Variants in CXCR6 observed in about 807,000 individuals in gnomAD.
The protein encoded by CXCR6 is C-X-C chemokine receptor type 6.
A neutral mutation model predicts 1.6 loss-of-function variants in CXCR6; 3 were observed. The observed-to-expected ratio is 1.83, with a 90% CI of 0.83 to 4.72. The LOEUF (loss-of-function observed/expected upper bound fraction) is 4.72, where lower values mean the gene tolerates loss of function less well. CXCR6 is among the 30% of genes most tolerant of loss of function. The pLI is 0.02. For synonymous variants in CXCR6, 171 were observed against 159.2 expected, an observed-to-expected ratio of 1.07 and a Z score of -0.56; for missense variants, 326 against 414.8, an observed-to-expected ratio of 0.79 and a Z score of 1.86.
chr3:45,946,261 TG>T (rs1173895762), intron 1 of CXCR6, 199 bp from the exon 2 acceptor site: 1 of 520,282 alleles, frequency 1.9e-6, no homozygotes, highest in Non-Finnish European at 3.4e-6. Flanking sequence ...TTCAGGCTAA[TG>T]GAGAGTCCTC....
At position 45,946,679 on chromosome 3, in the gene CXCR6, G is replaced by T; in HGVS notation, c.198G>T (p.Thr66=). The change falls in exon 2 of 2, where the codon ACG becomes ACT. Residue 66 remains threonine, a synonymous_variant. Coordinates refer to ENST00000304552, the MANE Select transcript of CXCR6 (RefSeq NM_006564.2). The part of the protein sequence containing the change: ...SIFYHKLQSL[T]DVFLVNLPLA... ...TCTACCATAAGTTGCAGAGCCTGAC[G>T]GATGTGTTCCTGGTGAACCTACCCC... 1 of 1,614,222 alleles carries T rather than the reference G, an allele frequency of 6.2e-7. No homozygotes were observed. Among genetic ancestry groups the T allele is most frequent in the Non-Finnish European group, 8.5e-7 (1 of 1,180,044 alleles).
At chr3:45,942,164 C>G (rs1175859509), upstream of CXCR6, among the ~76,000 whole-genome samples, 1 of 152,194 alleles carries the variant, frequency 6.6e-6, no homozygotes, top group Non-Finnish European at 1.5e-5. Context: ...TTATCAGGGC[C>G]CCCTGGCACA....
chr3:45,947,342 C>A lies in CXCR6; in HGVS notation c.861C>A (p.Leu287=). The part of the protein sequence containing the change: ...AYLRACLNPV[L]YAFVSLKFRK... ...TGAGGGCCTGCCTTAACCCTGTGCT[C>A]TATGCCTTTGTCAGCCTGAAGTTTC... Residue 287 remains leucine (L), a synonymous_variant, in exon 2 of 2, where the codon CTC becomes CTA. Transcript: ENST00000304552. 1.2e-6 allele frequency: 2 copies of A among 1,614,248 alleles called. No individual in the cohort carries two copies. The highest frequency in any genetic ancestry group is 1.7e-6 in the Non-Finnish European group (2 of 1,180,052).
At chr3:45,941,851 T>C (rs1390723499), upstream of CXCR6, among the ~76,000 whole-genome samples, 1 of 152,224 alleles carries the variant, frequency 6.6e-6, no homozygotes, top group Non-Finnish European at 1.5e-5. Context: ...TGGTTGTCCC[T>C]GGGTAAAACT....
upstream of CXCR6, among the ~76,000 whole-genome samples, chr3:45,942,410 C>T (rs1559446668): frequency 6.6e-6 from 1 of 152,324 alleles, no homozygotes; most frequent in East Asian, 1.9e-4. Context: ...TCCCTGCTCC[C>T]AATGCTTGAC....
At chr3:45,941,126 C>T (rs967784916), upstream of CXCR6, 3 of 152,198 alleles carry the variant, frequency 2.0e-5, no homozygotes, top group African/African-American at 7.2e-5. Flanking sequence ...CTTCAATGAT[C>T]CTCTCATCTT....
upstream of CXCR6, among the ~76,000 whole-genome samples, chr3:45,942,704 A>C (rs898624563): frequency 1.3e-5 from 2 of 152,194 alleles, no homozygotes; most frequent in South Asian, 2.1e-4. Context: ...TAGATCATGG[A>C]GACTGACAAC....
intron 1 of CXCR6, chr3:45,945,141 TC>T (rs953516506): frequency 2.0e-4 from 30 of 152,354 alleles, no homozygotes; most frequent in African/African-American, 6.7e-4. Context: ...CAGTCAGGAC[TC>T]AAAGTCAGCG....
At chr3:45,944,775 A>G (rs1043996488) in intron 1 of CXCR6, among the ~76,000 whole-genome samples, 3 of 152,368 alleles carry the variant, frequency 2.0e-5, no homozygotes, top group Admixed American at 2.0e-4. Context: ...GAACAGGAAG[A>G]TACCAAAAAA....
upstream of CXCR6, among the ~76,000 whole-genome samples, chr3:45,943,205 G>A (rs372250243): frequency 2.0e-5 from 3 of 152,182 alleles, no homozygotes; most frequent in East Asian, 3.9e-4. Flanking sequence ...CACCATCTTC[G>A]GTGGATGGCC....
In CXCR6 at chr3:45,947,264, T is replaced by C. The variant is rs1553623041; in HGVS notation, c.783T>C (p.Tyr261=). The part of the protein sequence containing the change: ...KFIRSTHWEY[Y]AMTSFHYTIM... ...TCCGCAGCACACACTGGGAATACTATGCCATGACCAGCTTTCACTACACCA... is the reference window on the plus strand; with the variant it reads ...TCCGCAGCACACACTGGGAATACTACGCCATGACCAGCTTTCACTACACCA... The change falls in exon 2 of 2, where the codon TAT becomes TAC. Residue 261 remains tyrosine, a synonymous_variant. Coordinates refer to ENST00000304552, the MANE Select transcript of CXCR6 (RefSeq NM_006564.2). 3.7e-6 allele frequency: 6 copies of C among 1,614,162 alleles called. No homozygotes were observed. In the South Asian group the frequency reaches 6.6e-5, roughly 18 times the overall value.
chr3:45,946,775 C>T lies in CXCR6; in HGVS notation c.294C>T (p.Gly98=), dbSNP rs779610063. 1 of 1,614,196 alleles carries T rather than the reference C, an allele frequency of 6.2e-7. No individual in the cohort carries two copies. The highest frequency in any genetic ancestry group is 8.5e-7 in the Non-Finnish European group (1 of 1,180,030). The change falls in exon 2 of 2, where the codon GGC becomes GGT. Residue 98 remains glycine (G), a synonymous_variant. Coordinates refer to ENST00000304552, the MANE Select transcript of CXCR6 (RefSeq NM_006564.2). The stretch of plus-strand genomic sequence containing the variant: ...CAGGCATCCATGAATGGGTGTTTGG[C>T]CAGGTCATGTGCAAGAGCCTACTGG... The part of the protein sequence containing the change: ...AYAGIHEWVF[G]QVMCKSLLGI...
At position 45,946,920 on chromosome 3, in the gene CXCR6, T is replaced by C. The variant is rs749054110; in HGVS notation, c.439T>C (p.Trp147Arg). The change falls in exon 2 of 2, where the codon TGG (tryptophan) becomes CGG (arginine). Residue 147 changes from tryptophan to arginine, a missense_variant. Coordinates refer to ENST00000304552, the MANE Select transcript of CXCR6 (RefSeq NM_006564.2). ...CAACCAGCAAGCCAAGAGGATGACC[T>C]GGGGCAAGGTCACCAGCTTGCTCAT... ...AYNQQAKRMT[W>R]GKVTSLLIWV... The C allele has an allele frequency of 4.3e-6, 7 of 1,614,122 alleles. No homozygotes were observed. Among genetic ancestry groups the C allele is most frequent in the Non-Finnish European group, 5.9e-6 (7 of 1,180,036 alleles).
chr3:45,944,549 A>T (rs1704459383), intron 1 of CXCR6, among the ~76,000 whole-genome samples: 1 of 152,176 alleles, frequency 6.6e-6, no homozygotes, highest in African/African-American at 2.4e-5. Flanking sequence ...TTTTCAGAAA[A>T]CAAAATAGGA....
chr3:45,946,355 G>A, intron 1 of CXCR6, 106 bp from the exon 2 acceptor site: 2 of 774,330 alleles, frequency 2.6e-6, no homozygotes, highest in Non-Finnish European at 4.3e-6. Flanking sequence ...CAGTGGGTGG[G>A]TTTAGAAGAT....
chr3:45,946,368 CTATT>C (rs1177887187), intron 1 of CXCR6, 89 bp from the exon 2 acceptor site: 31 of 891,626 alleles, frequency 3.5e-5, no homozygotes, highest in Non-Finnish European at 5.3e-5. Flanking sequence ...TAGAAGATGA[CTATT>C]TGCCCCCTAA....
At position 45,947,418 on chromosome 3, in the gene CXCR6, G is replaced by C; in HGVS notation, c.937G>C (p.Gly313Arg). The C allele has an allele frequency of 3.1e-6, 5 of 1,614,152 alleles. No homozygotes were observed. Among genetic ancestry groups the C allele is most frequent in the Non-Finnish European group, 4.2e-6 (5 of 1,180,008 alleles). The change falls in exon 2 of 2, where the codon GGG (glycine) becomes CGG (arginine). Residue 313 changes from glycine (G) to arginine (R), a missense_variant. Coordinates refer to ENST00000304552, the MANE Select transcript of CXCR6 (RefSeq NM_006564.2). ...GGACATTGGTTGCCTCCCTTACCTT[G>C]GGGTCTCACATCAATGGAAATCTTC... ...VKDIGCLPYL[G>R]VSHQWKSSED...
chr3:45,944,346 T>C (rs1475714815), intron 1 of CXCR6, among the ~76,000 whole-genome samples: 1 of 152,230 alleles, frequency 6.6e-6, no homozygotes, highest in African/African-American at 2.4e-5. Context: ...GTAATAGTAA[T>C]AGTTAATACT....
chr3:45,946,317 T>C (rs1704599773), intron 1 of CXCR6, 144 bp from the exon 2 acceptor site: 1 of 619,106 alleles, frequency 1.6e-6, no homozygotes, highest in Admixed American at 2.9e-5. Context: ...ATCTTCAATA[T>C]ACTGGACTGT....
Sources: gnomAD v4.1 joint callset for allele counts (sites outside exome capture counted in the v4.1 genomes callset) on GRCh38, gnomAD v4.1.1 for gene constraint, MANE v1.5 for transcripts, NCBI Gene and HGNC (gene_info 2026-07-23, HGNC 2026-07-21) for gene names.